TENM4: variants seen among roughly 807,000 people sequenced by gnomAD.
TENM4 encodes teneurin-4.
A neutral mutation model predicts 243.3 loss-of-function variants in TENM4; 82 were observed. That is an observed-to-expected ratio of 0.34 (90% CI 0.28 to 0.40). The LOEUF is 0.40. Ranked by LOEUF, TENM4 falls within the 10% of genes least tolerant of loss-of-function variation. The probability of loss-of-function intolerance (pLI) is 1.00; values close to 1 mark genes in which losing one functional copy is unlikely to be tolerated. For missense variants in TENM4, 3,138 were observed against 3,673.3 expected, an observed-to-expected ratio of 0.85 and a Z score of 3.77; for synonymous variants, 1,412 against 1,456.3, an observed-to-expected ratio of 0.97 and a Z score of 0.69.
At chr11:78,863,274 T>A in intron 9 of TENM4, 142 bp from the exon 10 acceptor site, 1 of 953,960 alleles carries the variant, frequency 1.0e-6, no homozygotes, top group Non-Finnish European at 1.5e-6. Context: ...GAAGCTCTTG[T>A]AGTGCCAGCC....
intron 10 of TENM4, among the ~76,000 whole-genome samples, chr11:78,857,795 T>C (rs945605247): frequency 6.6e-6 from 1 of 152,232 alleles, no homozygotes; most frequent in African/African-American, 2.4e-5. Flanking sequence ...TCACAATGCA[T>C]TGAGATGGAA....
chr11:79,341,532 A>G (rs1857241939), intron 1 of TENM4, among the ~76,000 whole-genome samples: 1 of 152,248 alleles, frequency 6.6e-6, no homozygotes, highest in Admixed American at 6.5e-5. Flanking sequence ...CAGGTCATGA[A>G]CATGACAGAG....
At chr11:79,295,569 A>G (rs1856435857) in intron 2 of TENM4, among the ~76,000 whole-genome samples, 1 of 152,212 alleles carries the variant, frequency 6.6e-6, no homozygotes, top group Non-Finnish European at 1.5e-5. Context: ...TGCAGCTATC[A>G]TCTGTCAGTC....
At chr11:78,994,982 A>G (rs1175461694) in intron 6 of TENM4, among the ~76,000 whole-genome samples, 1 of 152,204 alleles carries the variant, frequency 6.6e-6, no homozygotes, top group Admixed American at 6.5e-5. Context: ...GTCTTTTGGG[A>G]GATATGAACT....
chr11:78,985,937 T>G (rs1377388158), intron 6 of TENM4, among the ~76,000 whole-genome samples: 2 of 152,262 alleles, frequency 1.3e-5, no homozygotes, highest in African/African-American at 2.4e-5. Flanking sequence ...CCCTCCCGTG[T>G]GCATTCAGGA....
intron 1 of TENM4, among the ~76,000 whole-genome samples, chr11:79,301,074 G>T (rs1437274728): frequency 2.6e-5 from 4 of 152,102 alleles, no homozygotes. Flanking sequence ...CCCTCTGGGG[G>T]ACTTCTGCAG....
intron 1 of TENM4, among the ~76,000 whole-genome samples, chr11:79,386,065 T>C (rs1001612659): frequency 6.6e-6 from 1 of 152,238 alleles, no homozygotes; most frequent in Admixed American, 6.5e-5. Flanking sequence ...TAGAATCAGA[T>C]AGCCCTGGCC....
intron 2 of TENM4, among the ~76,000 whole-genome samples, chr11:79,257,267 G>C (rs111381543): frequency 1.3e-3 from 192 of 152,190 alleles, no homozygotes; most frequent in Admixed American, 2.2e-3. Context: ...TGTCCCAAAG[G>C]GTTGTTATGC....
In TENM4 at chr11:78,683,319, C is replaced by T. The variant is rs530476987; in HGVS notation, c.5260+4735G>A. Among the ~76,000 whole-genome samples the T allele has an allele frequency of 2.7e-5, 2 of 73,278 alleles. 1 individual carries two copies. The highest frequency in any genetic ancestry group is 2.2e-4 in the Admixed American group (2 of 9,010). The allele number at this position is 73,278 out of a possible 152,430, so 48.1% of individuals were successfully genotyped here. On this transcript the variant is annotated intron_variant, in intron 29 of 33. Transcript: ENST00000278550. ...GGTGGGCTCCACCCAGTTCGAGCTTCGCGGCTGCTTTGTTTACCTAAGCGA... is the reference window on the plus strand; with the variant it reads ...GGTGGGCTCCACCCAGTTCGAGCTTTGCGGCTGCTTTGTTTACCTAAGCGA...
intron 19 of TENM4, among the ~76,000 whole-genome samples, chr11:78,752,246 C>T (rs538304332): frequency 9.2e-5 from 14 of 152,330 alleles, no homozygotes; most frequent in African/African-American, 3.4e-4. Context: ...TCAGGGAGGC[C>T]TTCATCACTC....
intron 6 of TENM4, among the ~76,000 whole-genome samples, chr11:79,056,986 G>C (rs1378025888): frequency 6.6e-6 from 1 of 152,206 alleles, no homozygotes; most frequent in Admixed American, 6.5e-5. Context: ...GTGGGGAGGA[G>C]CAGGGAAGAG....
At chr11:79,144,155 G>T (rs1862348590) in intron 4 of TENM4, among the ~76,000 whole-genome samples, 1 of 151,992 alleles carries the variant, frequency 6.6e-6, no homozygotes, top group African/African-American at 2.4e-5. Flanking sequence ...CTGAATAGAA[G>T]AATGTCAAAA....
chr11:78,718,697 A>T (rs117420906), intron 25 of TENM4, among the ~76,000 whole-genome samples: 2,668 of 152,352 alleles, frequency 0.018, 44 homozygotes, highest in Middle Eastern at 0.027. Flanking sequence ...GGGTCATTAC[A>T]TAGTTCAGTA....
chr11:79,217,970 C>A (rs1234321518), intron 2 of TENM4, among the ~76,000 whole-genome samples: 1 of 152,120 alleles, frequency 6.6e-6, no homozygotes, highest in African/African-American at 2.4e-5. Context: ...CCTGCCTCAG[C>A]CTCCCAAAGT....
chr11:78,878,481 T>C (rs1859330038), intron 9 of TENM4, among the ~76,000 whole-genome samples: 2 of 152,162 alleles, frequency 1.3e-5, no homozygotes, highest in South Asian at 4.1e-4. Context: ...TTCCCTGAAG[T>C]AGCGACACTT....
At chr11:79,052,620 G>T (rs1859827079) in intron 6 of TENM4, among the ~76,000 whole-genome samples, 1 of 152,190 alleles carries the variant, frequency 6.6e-6, no homozygotes, top group African/African-American at 2.4e-5. Flanking sequence ...AAAGAAAGGA[G>T]CAGGGGGGAT....
intron 4 of TENM4, among the ~76,000 whole-genome samples, chr11:79,109,892 G>C (rs974619183): frequency 2.0e-5 from 3 of 152,114 alleles, no homozygotes; most frequent in African/African-American, 4.8e-5. Flanking sequence ...CTACCCACAG[G>C]GTTGTAGTAA....
chr11:79,070,374 C>T (rs1298041453), intron 4 of TENM4, among the ~76,000 whole-genome samples: 1 of 152,180 alleles, frequency 6.6e-6, no homozygotes, highest in Non-Finnish European at 1.5e-5. Flanking sequence ...CCTGACCCAG[C>T]TCTGGCCCAG....
chr11:79,385,794 C>T (rs191289158), intron 1 of TENM4, among the ~76,000 whole-genome samples: 1 of 152,252 alleles, frequency 6.6e-6, no homozygotes, highest in East Asian at 1.9e-4. Flanking sequence ...AGCCTGTTGG[C>T]AGCACTTTTC....
Sources: allele counts gnomAD v4.1 joint callset (sites outside exome capture counted in the v4.1 genomes callset), GRCh38; gene constraint gnomAD v4.1.1; transcripts MANE v1.5; gene names NCBI Gene and HGNC (gene_info 2026-07-23, HGNC 2026-07-21).